HTT: variants seen among roughly 807,000 people sequenced by gnomAD.
HTT encodes huntington disease protein.
A neutral mutation model predicts 362.3 loss-of-function variants in HTT; 104 were observed. The ratio of observed to expected loss-of-function variants is 0.29; its 90% CI spans 0.24 to 0.34. The LOEUF is 0.34. HTT is among the 10% of genes least tolerant of loss of function. The probability of loss-of-function intolerance (pLI) is 1.00; values close to 1 mark genes in which losing one functional copy is unlikely to be tolerated. For synonymous variants in HTT, 1,577 were observed against 1,548.7 expected, an observed-to-expected ratio of 1.02 and a Z score of -0.43; for missense variants, 3,301 against 3,928.6, an observed-to-expected ratio of 0.84 and a Z score of 4.27.
intron 47 of HTT, 58 bp from the exon 48 acceptor site, chr4:3,211,871 G>C: frequency 1.6e-6 from 2 of 1,253,766 alleles, no homozygotes; most frequent in South Asian, 2.5e-5. Context: ...TTTCTTACCT[G>C]ATTGAAAGCT....
chr4:3,135,941 C>T lies in HTT; in HGVS notation c.2671C>T (p.His891Tyr). 2 of 1,604,020 alleles carry T rather than the reference C, an allele frequency of 1.2e-6. No individual in the cohort carries two copies. Among genetic ancestry groups the T allele is most frequent in the South Asian group, 1.1e-5 (1 of 88,758 alleles). Residue 891 changes from histidine to tyrosine, a missense_variant, in exon 20 of 67, where the codon CAC becomes TAC. Physicochemically the swap from His to Tyr is moderately conservative, Grantham distance 83. Coordinates refer to ENST00000355072, the MANE Select transcript of HTT (RefSeq NM_001388492.1). ...TTTGGAGGCAAAAGCAGAAAACTTA[C>T]ACAGAGGGGCTCATCATTATACAGG... ...SFLEAKAENL[H>Y]RGAHHYTGLL...
intron 26 of HTT, among the ~76,000 whole-genome samples, chr4:3,151,465 G>A (rs1716889327): frequency 1.3e-5 from 2 of 152,096 alleles, no homozygotes. Flanking sequence ...GCACCAGGGG[G>A]ATGGTGCTCA....
chr4:3,188,019 G>A, intron 39 of HTT, 133 bp downstream of exon 39: 1 of 621,984 alleles, frequency 1.6e-6, no homozygotes, highest in Non-Finnish European at 2.8e-6. Context: ...CTGTATCAGT[G>A]TAATTTTCTA....
At chr4:3,230,398 C>G (rs1389694418) in intron 60 of HTT, among the ~76,000 whole-genome samples, 2 of 152,196 alleles carry the variant, frequency 1.3e-5, no homozygotes, top group African/African-American at 2.4e-5. Context: ...CCATGCTCTG[C>G]CCTGAGGCCT....
chr4:3,184,638 A>G (rs1169936071), intron 37 of HTT, among the ~76,000 whole-genome samples: 1 of 152,038 alleles, frequency 6.6e-6, no homozygotes, highest in Non-Finnish European at 1.5e-5. Context: ...GCTGTGGACA[A>G]GGTAGGGCAG....
intron 59 of HTT, among the ~76,000 whole-genome samples, chr4:3,229,341 A>G (rs1721105784): frequency 7.7e-6 from 1 of 130,548 alleles, no homozygotes; most frequent in South Asian, 2.6e-4. Context: ...CACATGCACC[A>G]CACCACACAG....
rs779944962 is a variant in HTT at position 3,217,791 on chromosome 4, G to A, written c.7081G>A (p.Glu2361Lys). The A allele has an allele frequency of 2.5e-6, 4 of 1,614,048 alleles. No homozygotes were observed. Among genetic ancestry groups the A allele is most frequent in the Admixed American group, 3.3e-5 (2 of 60,016 alleles). ...TCCTAAGTATATCACTGCAGCCTGT[G>A]AGATGGTGGCAGAAATGGTGGAGTC... The part of the protein sequence containing the change: ...QNPKYITAAC[E>K]MVAEMVESLQ... Residue 2361 changes from glutamate (E) to lysine (K), a missense_variant, in exon 52 of 67, where the codon GAG becomes AAG. By Grantham distance (56) the Glu-to-Lys change is moderately conservative. Coordinates refer to ENST00000355072, the MANE Select transcript of HTT (RefSeq NM_001388492.1).
chr4:3,199,664 C>T (rs750918402), intron 40 of HTT, 68 bp from the exon 41 acceptor site: 3 of 1,391,240 alleles, frequency 2.2e-6, no homozygotes, highest in Non-Finnish European at 3.0e-6. Context: ...TATGTAAAAT[C>T]TTCGCGTAGC....
chr4:3,086,486 C>A (rs958431676), intron 1 of HTT, among the ~76,000 whole-genome samples: 1 of 152,090 alleles, frequency 6.6e-6, no homozygotes, highest in Non-Finnish European at 1.5e-5. Context: ...TGGGCAACAT[C>A]GTGAGGCCCC....
At chr4:3,205,624 G>A (rs1033669422) in intron 42 of HTT, among the ~76,000 whole-genome samples, 2 of 152,146 alleles carry the variant, frequency 1.3e-5, no homozygotes, top group Non-Finnish European at 2.9e-5. Context: ...AGCTTTTTGA[G>A]TGCTGACATT....
At chr4:3,170,478 A>G (rs1214378437) in intron 29 of HTT, among the ~76,000 whole-genome samples, 2 of 151,972 alleles carry the variant, frequency 1.3e-5, no homozygotes, top group Non-Finnish European at 2.9e-5. Context: ...AATCCTTTCC[A>G]ATGCTTCTTT....
At chr4:3,231,026 C>T (rs1287782659) in intron 60 of HTT, among the ~76,000 whole-genome samples, 1 of 152,200 alleles carries the variant, frequency 6.6e-6, no homozygotes, top group East Asian at 1.9e-4. Flanking sequence ...TGGTATTTGC[C>T]AAGTATCCAT....
intron 28 of HTT, among the ~76,000 whole-genome samples, chr4:3,157,963 C>T (rs1379489267): frequency 6.6e-6 from 1 of 151,634 alleles, no homozygotes; most frequent in Non-Finnish European, 1.5e-5. Flanking sequence ...ATCAATCTAT[C>T]TGTCTGCTCA....
At position 3,220,191 on chromosome 4, in the gene HTT, C is replaced by G; in HGVS notation, c.7252C>G (p.Leu2418Val). The change falls in exon 53 of 67, where the codon CTT (leucine) becomes GTT (valine). Residue 2418 changes from leucine (L) to valine (V), a missense_variant. Transcript: ENST00000355072. ...YTRVPPLVWK[L>V]GWSPKPGGDF... ...CTTTTCATCTTCTCAGGTGTGGAAGCTTGGATGGTCACCCAAACCGGGAGG... is the reference window on the plus strand; with the variant it reads ...CTTTTCATCTTCTCAGGTGTGGAAGGTTGGATGGTCACCCAAACCGGGAGG... 6.2e-7 allele frequency: 1 copy of G among 1,614,124 alleles called. No individual in the cohort carries two copies. Among genetic ancestry groups the G allele is most frequent in the African/African-American group, 1.3e-5 (1 of 75,038 alleles).
chr4:3,075,670 G>T (rs1712498263), intron 1 of HTT, among the ~76,000 whole-genome samples: 1 of 149,830 alleles, frequency 6.7e-6, no homozygotes, highest in Non-Finnish European at 1.5e-5. Flanking sequence ...GGGAGTGAGG[G>T]CGCGTCCAAT....
In HTT at chr4:3,136,264, C is replaced by T. The variant is rs1347980474; in HGVS notation, c.2736C>T (p.Val912=). ...KLQERVLNNV[V]IHLLGDEDPR... Reference sequence around the variant, plus strand: ...AAGAACGAGTGCTCAATAATGTTGTCATCCATTTGCTTGGAGATGAAGACC... The same window carrying T: ...AAGAACGAGTGCTCAATAATGTTGTTATCCATTTGCTTGGAGATGAAGACC... The change falls in exon 21 of 67, where the codon GTC becomes GTT. Residue 912 remains valine (V), a synonymous_variant. Transcript: ENST00000355072. 1 of 1,612,070 alleles carries T rather than the reference C, an allele frequency of 6.2e-7. No homozygotes were observed.
intron 26 of HTT, among the ~76,000 whole-genome samples, chr4:3,153,370 AG>A (rs1716991935): frequency 6.6e-6 from 1 of 152,144 alleles, no homozygotes; most frequent in Non-Finnish European, 1.5e-5. Context: ...AAGATCAGGG[AG>A]TGAGTAAGTA....
chr4:3,225,581 C>T, intron 56 of HTT, 80 bp from the exon 57 acceptor site: 1 of 1,293,560 alleles, frequency 7.7e-7, no homozygotes, highest in Non-Finnish European at 1.1e-6. Flanking sequence ...CCTGTCTGGG[C>T]AGGAGCTGGG....
chr4:3,097,795 A>G (rs537899029), intron 2 of HTT, among the ~76,000 whole-genome samples: 1 of 152,214 alleles, frequency 6.6e-6, no homozygotes, highest in African/African-American at 2.4e-5. Flanking sequence ...CCCTATATCT[A>G]TTTTATTGAA....
Sources: gnomAD v4.1 joint callset for allele counts (sites outside exome capture counted in the v4.1 genomes callset) on GRCh38, gnomAD v4.1.1 for gene constraint, MANE v1.5 for transcripts, NCBI Gene and HGNC (gene_info 2026-07-23, HGNC 2026-07-21) for gene names.